Variants in APOBEC1 observed in about 807,000 individuals in gnomAD.
APOBEC1 encodes the protein apolipoprotein B mRNA editing enzyme catalytic subunit 1, also known as C->U-editing enzyme APOBEC-1.
A neutral mutation model predicts 26.3 loss-of-function variants in APOBEC1; 22 were observed. The observed-to-expected ratio is 0.84, with a 90% CI of 0.60 to 1.19. APOBEC1 has a LOEUF of 1.19. Ranked by LOEUF, APOBEC1 falls within the 50% of genes most tolerant of loss-of-function variation. APOBEC1 has a pLI of 0.00. For synonymous variants in APOBEC1, 77 were observed against 95.3 expected (o/e 0.81, Z 1.12); for missense variants, 253 against 289.0 (o/e 0.88, Z 0.90).
intron 1 of APOBEC1, among the ~76,000 whole-genome samples, chr12:7,659,723 A>G (rs1863776745): frequency 6.6e-6 from 1 of 152,202 alleles, no homozygotes; most frequent in South Asian, 2.1e-4. Context: ...TAATCCCAGC[A>G]CTTTGGGAGG....
rs760537353 is a variant in APOBEC1 at position 7,649,682 on chromosome 12, A to G, written c.576T>C (p.Cys192=). The change falls in exon 5 of 5, where the codon TGT becomes TGC. Residue 192 remains cysteine, a synonymous_variant. Transcript: ENST00000229304. The stretch of plus-strand genomic sequence containing the variant: ...TTTGCCATCTTCTTGAAATCTTTAA[A>G]CAGGGTGGAAGACTCTGGAATAAAA... ...LHCIILSLPP[C]LKISRRWQNH... The G allele has an allele frequency of 1.9e-6, 3 of 1,612,272 alleles. No homozygotes were observed. The highest frequency in any genetic ancestry group is 2.7e-5 in the African/African-American group (2 of 75,004).
intron 3 of APOBEC1, among the ~76,000 whole-genome samples, chr12:7,651,831 T>C (rs1180057931): frequency 1.3e-5 from 2 of 151,478 alleles, no homozygotes; most frequent in Non-Finnish European, 2.9e-5. Flanking sequence ...TTTATTTTAT[T>C]TTATCTTGAG....
intron 1 of APOBEC1, among the ~76,000 whole-genome samples, chr12:7,661,037 CAAAAAAAAAA>C (rs764452957): frequency 4.3e-4 from 39 of 91,056 alleles, no homozygotes; most frequent in Admixed American, 1.6e-3. Context: ...ACTAAAAATA[CAAAAAAAAAA>C]AAAAAAAAAT....
Position 7,649,407 on chromosome 12 carries a change from G to T in APOBEC1, c.*140C>A. On this transcript the variant is annotated 3_prime_UTR_variant, in exon 5 of 5. Coordinates refer to ENST00000229304, the MANE Select transcript of APOBEC1 (RefSeq NM_001644.5). The stretch of plus-strand genomic sequence containing the variant: ...TTCCTTACCCACAGAAACTGCCAGA[G>T]GTAATACATATTTATTGTTGGTTTA... 1 of 849,052 alleles carries T rather than the reference G, an allele frequency of 1.2e-6. No homozygotes were observed. The allele number at this position is 849,052 out of a possible 1,614,324, so 52.6% of individuals were successfully genotyped here. A position where few individuals can be genotyped will look rare whatever the true frequency, so the allele number is the denominator to read the frequency against.
intron 4 of APOBEC1, among the ~76,000 whole-genome samples, chr12:7,650,148 C>T (rs868149203): frequency 2.0e-5 from 3 of 152,042 alleles, no homozygotes; most frequent in South Asian, 2.1e-4. Flanking sequence ...CAATGGAACA[C>T]GTACATTCTC....
intron 4 of APOBEC1, among the ~76,000 whole-genome samples, chr12:7,650,690 T>A (rs139447378): frequency 7.2e-5 from 11 of 152,326 alleles, no homozygotes; most frequent in African/African-American, 2.4e-4. Flanking sequence ...CATCTTGGCC[T>A]TCCAAAGTGC....
intron 1 of APOBEC1, among the ~76,000 whole-genome samples, chr12:7,665,337 G>A (rs765380729): frequency 3.3e-4 from 50 of 151,964 alleles, no homozygotes; most frequent in African/African-American, 1.2e-3. Context: ...TTGCTCTGTT[G>A]CCCAGGCTGG....
At chr12:7,665,927 C>G, upstream of APOBEC1, 3 of 1,610,362 alleles carry the variant, frequency 1.9e-6, no homozygotes, top group Non-Finnish European at 2.5e-6. Flanking sequence ...CTGATTGTTC[C>G]TGGACTTTGT....
In APOBEC1 at chr12:7,649,568, A is replaced by T. The variant is rs1433753880; in HGVS notation, c.690T>A (p.His230Gln). The T allele has an allele frequency of 6.2e-7, 1 of 1,614,156 alleles. No homozygotes were observed. The highest frequency in any genetic ancestry group is 1.7e-5 in the Admixed American group (1 of 60,014). ...PHILLATGLI[H>Q]PSVAWR is the part of the protein sequence containing the mutation. ...CTATTCATCTCCAAGCCACAGAAGG[A>T]TGTATCAGCCCTGTAGCTAAAAGGA... The change falls in exon 5 of 5, where the codon CAT becomes CAA. Residue 230 changes from histidine (H) to glutamine (Q), a missense_variant. Physicochemically the swap from His to Gln is conservative, Grantham distance 24. Transcript: ENST00000229304.
intron 1 of APOBEC1, among the ~76,000 whole-genome samples, chr12:7,660,399 A>AGAAAGAAG (rs1863798322): frequency 9.3e-6 from 1 of 107,596 alleles, no homozygotes; most frequent in African/African-American, 3.6e-5. Context: ...AAAGAAAGAA[A>AGAAAGAAG]GAAAGAAAGA....
chr12:7,659,323 AT>A (rs368927788), intron 1 of APOBEC1, among the ~76,000 whole-genome samples: 2,395 of 38,748 alleles, frequency 0.062, 111 homozygotes, highest in African/African-American at 0.077. Context: ...AAAAAAAAAA[AT>A]ATATATATAT....
At chr12:7,662,616 A>G (rs1226025540) in intron 1 of APOBEC1, among the ~76,000 whole-genome samples, 1 of 152,142 alleles carries the variant, frequency 6.6e-6, no homozygotes, top group Non-Finnish European at 1.5e-5. Flanking sequence ...AAGTACTGGA[A>G]GGAGACAAAA....
intron 4 of APOBEC1, 83 bp downstream of exon 4, chr12:7,650,940 T>C (rs1863628485): frequency 3.1e-6 from 3 of 956,966 alleles, no homozygotes; most frequent in East Asian, 4.8e-5. Flanking sequence ...AAAAAGAAGA[T>C]ATGAGTCAAA....
At chr12:7,665,798 CA>C (rs1316191838) in intron 1 of APOBEC1, 58 bp downstream of exon 1, 12 of 1,328,176 alleles carry the variant, frequency 9.0e-6, no homozygotes, top group Admixed American at 1.7e-5. Flanking sequence ...CACACACACA[CA>C]CACACACCAT....
chr12:7,663,379 C>T (rs60245047), intron 1 of APOBEC1, among the ~76,000 whole-genome samples: 19,537 of 151,832 alleles, frequency 0.13, 1,331 homozygotes, highest in Middle Eastern at 0.15. Context: ...GGAAATAGGA[C>T]GAAGTCAGGA....
At chr12:7,657,547 TA>T (rs1863733311) in intron 1 of APOBEC1, among the ~76,000 whole-genome samples, 1 of 148,222 alleles carries the variant, frequency 6.7e-6, no homozygotes, top group Non-Finnish European at 1.5e-5. Flanking sequence ...TTCCTTAAAA[TA>T]AAAACAATCA....
intron 1 of APOBEC1, among the ~76,000 whole-genome samples, chr12:7,660,386 A>AGGAAGGAAGGAAGGAC (rs1309820289): frequency 9.5e-6 from 1 of 105,086 alleles, no homozygotes; most frequent in Admixed American, 9.1e-5. Flanking sequence ...GAAAGAAAGA[A>AGGAAGGAAGGAAGGAC]AGAAAGAAAG....
chr12:7,669,060 C>T (rs1863925241), upstream of APOBEC1, among the ~76,000 whole-genome samples: 1 of 152,134 alleles, frequency 6.6e-6, no homozygotes, highest in Non-Finnish European at 1.5e-5. Flanking sequence ...GTGTTAGCAG[C>T]TATCCTCCTA....
chr12:7,654,621 C>A lies in APOBEC1; in HGVS notation c.28G>T (p.Gly10Cys). The A allele has an allele frequency of 6.2e-7, 1 of 1,613,780 alleles. No homozygotes were observed. The highest frequency in any genetic ancestry group is 8.5e-7 in the Non-Finnish European group (1 of 1,179,808). ...TATTCTTACCTCAGAGTGGGGTCAC[C>A]GGTTGAAGGACCTGTTGACCAAGAT... The part of the protein sequence containing the change: MTSEKGPST[G>C]DPTLRRRIEP... The change falls in exon 2 of 5, where the codon GGT (glycine) becomes TGT (cysteine). Residue 10 changes from glycine to cysteine, a missense_variant. Physicochemically the swap from Gly to Cys is radical, Grantham distance 159. Coordinates refer to ENST00000229304, the MANE Select transcript of APOBEC1 (RefSeq NM_001644.5).
Sources: allele counts gnomAD v4.1 joint callset (sites outside exome capture counted in the v4.1 genomes callset), GRCh38; gene constraint gnomAD v4.1.1; transcripts MANE v1.5; gene names NCBI Gene and HGNC (gene_info 2026-07-23, HGNC 2026-07-21).